The following PLEKHH2 variants were observed in gnomAD, a reference collection of about 807,000 sequenced individuals.
PLEKHH2 encodes pleckstrin homology, MyTH4 and FERM domain containing H2, also known as pleckstrin homology domain-containing family H member 2.
In PLEKHH2, 129 loss-of-function variants were observed where a neutral mutation model predicts 187.9. The observed-to-expected ratio is 0.69, with a 90% CI of 0.59 to 0.79. The LOEUF (loss-of-function observed/expected upper bound fraction) is 0.79, where lower values mean the gene tolerates loss of function less well. Ranked by LOEUF, PLEKHH2 falls within the 30% of genes least tolerant of loss-of-function variation. The probability of loss-of-function intolerance (pLI) is 0.00; values close to 1 mark genes in which losing one functional copy is unlikely to be tolerated. For missense variants in PLEKHH2, 2,076 were observed against 1,751.2 expected (o/e 1.19, Z -3.31); for synonymous variants, 686 against 605.6 (o/e 1.13, Z -1.95).
chr2:43,640,186 A>G (rs1171684597), intron 1 of PLEKHH2, among the ~76,000 whole-genome samples: 1 of 149,766 alleles, frequency 6.7e-6, no homozygotes, highest in African/African-American at 2.5e-5. Context: ...AGTTACTCCA[A>G]TAACTTGGTA....
At chr2:43,681,640 C>A (rs887645221) in intron 3 of PLEKHH2, 3 of 655,122 alleles carry the variant, frequency 4.6e-6, no homozygotes, top group South Asian at 3.5e-5. Flanking sequence ...TTTTTGTTCT[C>A]CTACCATAGT....
At chr2:43,734,563 C>T (rs1450511672) in intron 19 of PLEKHH2, among the ~76,000 whole-genome samples, 1 of 152,120 alleles carries the variant, frequency 6.6e-6, no homozygotes, top group Non-Finnish European at 1.5e-5. Context: ...TCATCTCACC[C>T]CAGTTAAAAT....
intron 2 of PLEKHH2, among the ~76,000 whole-genome samples, chr2:43,653,128 G>C (rs1666571043): frequency 1.3e-5 from 2 of 152,030 alleles, no homozygotes; most frequent in South Asian, 4.2e-4. Flanking sequence ...GAAAATAAAT[G>C]AAACAATACA....
At chr2:43,728,969 A>C (rs1048240397) in intron 17 of PLEKHH2, among the ~76,000 whole-genome samples, 1 of 152,202 alleles carries the variant, frequency 6.6e-6, no homozygotes, top group Non-Finnish European at 1.5e-5. Flanking sequence ...ATTTTTTATC[A>C]GTGAGAAGTT....
In PLEKHH2 at chr2:43,729,579, T is replaced by A. The variant is rs1670937343; in HGVS notation, c.2722-58T>A. ...TTTTCTACTGTTTATGCAAGTTGTT[T>A]TTTTTTCTTTAATCAAAACTGTGTC... On this transcript the variant is annotated intron_variant, in intron 17 of 29. Transcript: ENST00000282406. 8 of 1,244,232 alleles carry A rather than the reference T, an allele frequency of 6.4e-6. No homozygotes were observed. The South Asian group carries it at 1.2e-4, about 19-fold the overall frequency. 77.1% of individuals were successfully genotyped at this position (1,244,232 alleles called of 1,614,324 possible).
At position 43,654,772 on chromosome 2, in the gene PLEKHH2, A is replaced by T. The variant is rs559289545; in HGVS notation, c.123+9976A>T. On this transcript the variant is annotated intron_variant, in intron 2 of 29. Transcript: ENST00000282406. ...CCAGGCGTGGTGGCTCACGCCTGTA[A>T]TCCCAGCACTTTGGGAGGCTGAGGT... Among the ~76,000 whole-genome samples the T allele has an allele frequency of 1.9e-4, 28 of 150,034 alleles. No homozygotes were observed. In the East Asian group the frequency reaches 5.8e-3, roughly 31 times the overall value.
chr2:43,740,952 C>G lies in PLEKHH2; in HGVS notation c.3130C>G (p.Gln1044Glu). 6.2e-7 allele frequency: 1 copy of G among 1,613,626 alleles called. No individual in the cohort carries two copies. Among genetic ancestry groups the G allele is most frequent in the Non-Finnish European group, 8.5e-7 (1 of 1,179,744 alleles). The change falls in exon 21 of 30, where the codon CAG becomes GAG. Residue 1044 changes from glutamine to glutamate, a missense_variant. Gln to Glu is a conservative substitution (Grantham distance 29). Coordinates refer to ENST00000282406, the MANE Select transcript of PLEKHH2 (RefSeq NM_172069.4). ...GGTGCTTCTCCCTGCCCAGGGCTGG[C>G]AGCTCTTGGCACTCTGCGTTGGGCT... ...QNQPGPLQGW[Q>E]LLALCVGLFL... is the part of the protein sequence containing the mutation.
intron 10 of PLEKHH2, 103 bp from the exon 11 acceptor site, chr2:43,707,298 C>T (rs750189084): frequency 4.5e-6 from 6 of 1,334,306 alleles, no homozygotes; most frequent in Admixed American, 1.9e-5. Flanking sequence ...AGGGAGGTTG[C>T]TCTGCTTTTC....
At chr2:43,712,436 AT>A in intron 15 of PLEKHH2, 53 bp downstream of exon 15, 1 of 1,553,154 alleles carries the variant, frequency 6.4e-7, no homozygotes, top group South Asian at 1.2e-5. Flanking sequence ...GCATGAGCCC[AT>A]GATCGCTGAA....
At chr2:43,763,168 A>G (rs1354580362) in intron 28 of PLEKHH2, among the ~76,000 whole-genome samples, 1 of 152,192 alleles carries the variant, frequency 6.6e-6, no homozygotes, top group Admixed American at 6.5e-5. Flanking sequence ...ACTTGAAGAT[A>G]TTATAAAATC....
intron 27 of PLEKHH2, among the ~76,000 whole-genome samples, chr2:43,760,029 T>G (rs920693661): frequency 6.6e-6 from 1 of 152,210 alleles, no homozygotes; most frequent in Non-Finnish European, 1.5e-5. Context: ...AAAGTTAGTA[T>G]TCTTAAACAT....
At chr2:43,672,913 C>A (rs17031212) in intron 2 of PLEKHH2, among the ~76,000 whole-genome samples, 1 of 152,124 alleles carries the variant, frequency 6.6e-6, no homozygotes, top group Admixed American at 6.5e-5. Context: ...AACAGGCACA[C>A]GTAAATTTTT....
intron 20 of PLEKHH2, chr2:43,740,726 G>T: frequency 1.4e-6 from 1 of 693,550 alleles, no homozygotes; most frequent in Non-Finnish European, 1.9e-6. Flanking sequence ...TTCCTCAGTT[G>T]TAGATAACCA....
chr2:43,702,797 CAATA>C, intron 8 of PLEKHH2, among the ~76,000 whole-genome samples: 1 of 152,074 alleles, frequency 6.6e-6, no homozygotes, highest in East Asian at 1.9e-4. Context: ...ATGCAAATTA[CAATA>C]GTCACTCTAG....
chr2:43,718,264 G>T (rs1428880855), intron 15 of PLEKHH2, among the ~76,000 whole-genome samples: 1 of 152,116 alleles, frequency 6.6e-6, no homozygotes, highest in Non-Finnish European at 1.5e-5. Context: ...TCTAGGCCAG[G>T]CACAGTGGCT....
At position 43,746,653 on chromosome 2, in the gene PLEKHH2, T is replaced by TA. The variant is rs574826466; in HGVS notation, c.3653+691dup. Among the ~76,000 whole-genome samples, 498 of 152,302 alleles carry TA rather than the reference T, an allele frequency of 3.3e-3. 3 individuals are homozygous for TA. Among genetic ancestry groups the TA allele is most frequent in the African/African-American group, 0.012 (485 of 41,564 alleles). On this transcript the variant is annotated intron_variant, in intron 24 of 29. Coordinates refer to ENST00000282406, the MANE Select transcript of PLEKHH2 (RefSeq NM_172069.4). Reference sequence around the variant, plus strand: ...TCATAATTTCCTTTAACAGTATTATTACATTTTTCATAAAGACTGAATACT... The same window carrying TA: ...TCATAATTTCCTTTAACAGTATTATTAACATTTTTCATAAAGACTGAATACT...
At chr2:43,641,217 C>G (rs1444727816) in intron 1 of PLEKHH2, among the ~76,000 whole-genome samples, 9 of 152,116 alleles carry the variant, frequency 5.9e-5, no homozygotes, top group African/African-American at 2.2e-4. Context: ...TGTGGGTTAT[C>G]TTTGCACTTT....
chr2:43,715,979 G>A (rs144969370), intron 15 of PLEKHH2, among the ~76,000 whole-genome samples: 5 of 152,332 alleles, frequency 3.3e-5, no homozygotes, highest in African/African-American at 1.2e-4. Flanking sequence ...AGAGGTCTGA[G>A]AGTAATGCCT....
rs141378761 is a variant in PLEKHH2, at chr2:43,640,637, A to G, written c.-4+3258A>G. On this transcript the variant is annotated intron_variant, in intron 1 of 29. Coordinates refer to ENST00000282406, the MANE Select transcript of PLEKHH2 (RefSeq NM_172069.4). ...GATGTCTTTTTCATTAGAACATCCT[A>G]TTTGATGTGAAGTGGAATGTTGTTG... Among the ~76,000 whole-genome samples the G allele has an allele frequency of 8.8e-4, 134 of 152,282 alleles. 1 individual carries two copies. In the East Asian group the frequency reaches 0.016, roughly 18 times the overall value.
Sources: allele counts gnomAD v4.1 joint callset (sites outside exome capture counted in the v4.1 genomes callset), GRCh38; gene constraint gnomAD v4.1.1; transcripts MANE v1.5; gene names NCBI Gene and HGNC (gene_info 2026-07-23, HGNC 2026-07-21).